Variants in RGSL1 observed in about 807,000 individuals in gnomAD.
RGSL1 encodes regulator of G protein signaling protein-like.
RGSL1 carries 97 observed loss-of-function variants against 124.7 expected under a neutral mutation model. The observed-to-expected ratio is 0.78, with a 90% CI of 0.66 to 0.92. The LOEUF is 0.92. RGSL1 is among the 40% of genes least tolerant of loss of function. RGSL1 has a pLI of 0.00. For missense variants in RGSL1, 1,233 were observed against 1,288.4 expected (o/e 0.96, Z 0.66); for synonymous variants, 424 against 438.1 (o/e 0.97, Z 0.40).
chr1:182,517,101 G>C (rs566837), intron 9 of RGSL1, among the ~76,000 whole-genome samples: 131,469 of 152,076 alleles, frequency 0.86, 57,149 homozygotes, highest in Non-Finnish European at 0.89. Context: ...AAGACTTTAC[G>C]TCTCCTTTAT....
At chr1:182,546,201 A>G (rs1425433380) in intron 15 of RGSL1, among the ~76,000 whole-genome samples, 1 of 152,100 alleles carries the variant, frequency 6.6e-6, no homozygotes, top group African/African-American at 2.4e-5. Context: ...TTGAGTTTCC[A>G]TATGGGAGAA....
chr1:182,546,698 C>CT (rs1660233647), intron 15 of RGSL1, among the ~76,000 whole-genome samples: 1 of 152,152 alleles, frequency 6.6e-6, no homozygotes, highest in Non-Finnish European at 1.5e-5. Context: ...GCCAACAACA[C>CT]TTTTTTAAAA....
chr1:182,540,375 G>C lies in RGSL1; in HGVS notation c.2623G>C (p.Val875Leu), dbSNP rs1201924785. Residue 875 changes from valine to leucine, a missense_variant, in exon 15 of 22, where the codon GTC becomes CTC. Val to Leu is a conservative substitution (Grantham distance 32). Transcript: ENST00000294854. ...TATATTTGGCCACAGGATTATCACTGTCAACTTTGCGATCAATGATCTATA... is the reference window on the plus strand; with the variant it reads ...TATATTTGGCCACAGGATTATCACTCTCAACTTTGCGATCAATGATCTATA... ...RRIFGHRIIT[V>L]NFAINDLYFF... 3 of 1,551,172 alleles carry C rather than the reference G, an allele frequency of 1.9e-6. No homozygotes were observed. The highest frequency in any genetic ancestry group is 8.7e-7 in the Non-Finnish European group (1 of 1,146,668).
At chr1:182,558,004 G>T (rs767797470) in intron 21 of RGSL1, among the ~76,000 whole-genome samples, 1 of 152,012 alleles carries the variant, frequency 6.6e-6, no homozygotes, top group Non-Finnish European at 1.5e-5. Context: ...GAGACAGTCC[G>T]CTCAAGCCAG....
chr1:182,555,960 C>T (rs1660840147), intron 20 of RGSL1, 64 bp from the exon 21 acceptor site: 1 of 1,430,690 alleles, frequency 7.0e-7, no homozygotes, highest in Non-Finnish European at 9.6e-7. Flanking sequence ...GACAAACCAA[C>T]AGAGAATGCA....
Position 182,508,299 on chromosome 1 carries a change from T to TTG in RGSL1, c.1826-13704_1826-13703insGT, listed in dbSNP as rs1656993976. Among the ~76,000 whole-genome samples, 3 of 137,332 alleles carry TTG rather than the reference T, an allele frequency of 2.2e-5. No individual in the cohort carries two copies. The South Asian group carries it at 7.3e-4, about 33-fold the overall frequency. 90.1% of individuals were successfully genotyped at this position (137,332 alleles called of 152,430 possible). ...TGTTGGTGGTGGTGGTGTTTTTTTT[T>TTG]TTTTTTTTTTTTTTTTGAGATGGAG... On this transcript the variant is annotated intron_variant, in intron 9 of 21. Transcript: ENST00000294854.
intron 8 of RGSL1, among the ~76,000 whole-genome samples, chr1:182,492,657 C>G (rs893186035): frequency 1.3e-5 from 2 of 151,430 alleles, no homozygotes; most frequent in Middle Eastern, 6.8e-3. Flanking sequence ...TGGATTCTCC[C>G]TCTGTGGCCC....
chr1:182,554,695 T>C lies in RGSL1; in HGVS notation c.3197+2T>C. Reference sequence around the variant, plus strand: ...CATGCAGCTGCATCCCGTCCAGGGGTAGGCATGAGCTGGAAATCCTCTTCT... The same window carrying C: ...CATGCAGCTGCATCCCGTCCAGGGGCAGGCATGAGCTGGAAATCCTCTTCT... On this transcript the variant is annotated splice_donor_variant, in intron 20 of 21. Coordinates refer to ENST00000294854, the MANE Select transcript of RGSL1 (RefSeq NM_001137669.2). LOFTEE classifies it high-confidence loss of function. The C allele has an allele frequency of 6.4e-7, 1 of 1,551,606 alleles. No homozygotes were observed. The highest frequency in any genetic ancestry group is 8.7e-7 in the Non-Finnish European group (1 of 1,146,942).
At position 182,556,610 on chromosome 1, in the gene RGSL1, G is replaced by A. The variant is rs1660880031; in HGVS notation, c.*165+388G>A. ...TAAGATTACTGGGCAGTAAATGGCAGCATCTGGACTAGAACACACCATTTC... is the reference window on the plus strand; with the variant it reads ...TAAGATTACTGGGCAGTAAATGGCAACATCTGGACTAGAACACACCATTTC... On this transcript the variant is annotated intron_variant, in intron 21 of 21. Transcript: ENST00000294854. Among the ~76,000 whole-genome samples, 3 of 152,286 alleles carry A rather than the reference G, an allele frequency of 2.0e-5. No homozygotes were observed. The South Asian group carries it at 6.2e-4, about 32-fold the overall frequency.
chr1:182,507,098 TCCTGCCTCAG>T (rs1362021758), intron 9 of RGSL1: 2 of 150,984 alleles, frequency 1.3e-5, no homozygotes, highest in Non-Finnish European at 2.9e-5. Context: ...CAAGCAATTC[TCCTGCCTCAG>T]CCTCCTAAGT....
At chr1:182,509,899 G>A (rs1479820695) in intron 9 of RGSL1, among the ~76,000 whole-genome samples, 7 of 140,840 alleles carry the variant, frequency 5.0e-5, no homozygotes, top group African/African-American at 1.1e-4. Context: ...GCTGCCGGGC[G>A]GAGAGGCTCC....
At chr1:182,523,599 A>G (rs1658518099) in intron 10 of RGSL1, among the ~76,000 whole-genome samples, 1 of 152,210 alleles carries the variant, frequency 6.6e-6, no homozygotes, top group Admixed American at 6.5e-5. Flanking sequence ...CCTAGAAGAC[A>G]TATCAGGGTC....
intron 6 of RGSL1, among the ~76,000 whole-genome samples, chr1:182,479,050 G>A (rs1039944736): frequency 1.3e-5 from 2 of 152,086 alleles, no homozygotes; most frequent in Admixed American, 6.5e-5. Flanking sequence ...AACAAAATAT[G>A]AGTTTGTCAC....
chr1:182,508,335 T>C (rs1657003420), intron 9 of RGSL1, among the ~76,000 whole-genome samples: 1 of 147,508 alleles, frequency 6.8e-6, no homozygotes, highest in East Asian at 2.0e-4. Flanking sequence ...TTTCACTCTT[T>C]GTTGCCCAGG....
At chr1:182,492,247 G>A (rs1471134197) in intron 8 of RGSL1, among the ~76,000 whole-genome samples, 7 of 152,178 alleles carry the variant, frequency 4.6e-5, no homozygotes, top group Non-Finnish European at 1.0e-4. Flanking sequence ...CACTTCGGGA[G>A]GCCAAGGCGG....
At chr1:182,472,002 G>A (rs1653884915) in intron 4 of RGSL1, among the ~76,000 whole-genome samples, 1 of 152,152 alleles carries the variant, frequency 6.6e-6, no homozygotes, top group South Asian at 2.1e-4. Context: ...GTAGTCTTTG[G>A]CATCTTTTGG....
chr1:182,517,216 A>G (rs1239764782), intron 9 of RGSL1, among the ~76,000 whole-genome samples: 1 of 150,612 alleles, frequency 6.6e-6, no homozygotes, highest in South Asian at 2.1e-4. Flanking sequence ...TATGATTTCT[A>G]TTGAGAAGTC....
At chr1:182,494,215 A>G (rs1571566239) in intron 9 of RGSL1, among the ~76,000 whole-genome samples, 2 of 152,224 alleles carry the variant, frequency 1.3e-5, no homozygotes, top group South Asian at 4.1e-4. Context: ...AGTATCTGCT[A>G]TGTAACATGA....
At chr1:182,519,296 G>A (rs1478896913) in intron 9 of RGSL1, among the ~76,000 whole-genome samples, 1 of 151,934 alleles carries the variant, frequency 6.6e-6, no homozygotes, top group African/African-American at 2.4e-5. Context: ...TTCCTTTAGT[G>A]TTCATCTGAA....
Sources: gnomAD v4.1 joint callset for allele counts (sites outside exome capture counted in the v4.1 genomes callset) on GRCh38, gnomAD v4.1.1 for gene constraint, MANE v1.5 for transcripts, NCBI Gene and HGNC (gene_info 2026-07-23, HGNC 2026-07-21) for gene names.